FOXN4: variants seen among roughly 807,000 people sequenced by gnomAD.
FOXN4 encodes forkhead box protein N4.
FOXN4 carries 12 observed loss-of-function variants against 45.0 expected under a neutral mutation model. The ratio of observed to expected loss-of-function variants is 0.27; its 90% CI spans 0.17 to 0.43. The LOEUF is 0.43. Ranked by LOEUF, FOXN4 falls within the 20% of genes least tolerant of loss-of-function variation. FOXN4 has a pLI of 1.00. For missense variants in FOXN4, 560 were observed against 694.9 expected (o/e 0.81, Z 2.18); for synonymous variants, 297 against 295.0 (o/e 1.01, Z -0.07).
chr12:109,307,775 G>C (rs2047934827), intron 2 of FOXN4, among the ~76,000 whole-genome samples: 1 of 152,186 alleles, frequency 6.6e-6, no homozygotes, highest in South Asian at 2.1e-4. Flanking sequence ...CCAGGGCAAA[G>C]GACTTGCTGA....
intron 6 of FOXN4, 39 bp from the exon 7 acceptor site, chr12:109,286,783 A>C (rs767331990): frequency 5.1e-5 from 80 of 1,574,564 alleles, no homozygotes; most frequent in Admixed American, 3.9e-4. Flanking sequence ...GCAGGGCAGG[A>C]CAGGGCAGGC....
rs2136922216 is a variant in FOXN4 at position 109,287,300 on chromosome 12, G to A, written c.596+97C>T. On this transcript the variant is annotated intron_variant, in intron 6 of 9. Coordinates refer to ENST00000299162, the MANE Select transcript of FOXN4 (RefSeq NM_213596.3). This position sits in a 1 kb window ranked among gnomAD's most constrained non-coding sequence, Gnocchi z 4.1. The stretch of plus-strand genomic sequence containing the variant: ...CCAAAACCTCCCCCTTGGAAGTCTG[G>A]GCTGCCACACTAGCTGTCTGAGATG... 20 of 1,476,544 alleles carry A rather than the reference G, an allele frequency of 1.4e-5. No homozygotes were observed. The South Asian group carries it at 2.5e-4, about 19-fold the overall frequency. The allele number at this position is 1,476,544 out of a possible 1,614,324, so 91.5% of individuals were successfully genotyped here.
chr12:109,304,024 C>T (rs544086938), intron 2 of FOXN4, among the ~76,000 whole-genome samples: 1 of 151,704 alleles, frequency 6.6e-6, no homozygotes, highest in African/African-American at 2.4e-5. Flanking sequence ...AACCCCATCT[C>T]TACTAAAAAT....
intron 8 of FOXN4, among the ~76,000 whole-genome samples, chr12:109,282,986 G>A (rs952764207): frequency 2.6e-5 from 4 of 152,018 alleles, no homozygotes; most frequent in Admixed American, 1.3e-4. Context: ...AGGGACCATT[G>A]GCTCCTGCTA....
At chr12:109,295,953 T>C (rs925543146) in intron 2 of FOXN4, among the ~76,000 whole-genome samples, 4 of 152,188 alleles carry the variant, frequency 2.6e-5, no homozygotes, top group African/African-American at 7.2e-5. Context: ...CTTCCTAACC[T>C]TCCTGAGCCT....
rs1178137947 is a variant in FOXN4 at position 109,287,728 on chromosome 12, GGAGGGA to G, written c.468+110_468+115del. ...ATGAATGACCCCATGACATGAGCAT[GGAGGGA>G]ATGTTATCCCCATGTGCTGGGTGAG... is the stretch of plus-strand genomic sequence containing the variant. On this transcript the variant is annotated intron_variant, in intron 5 of 9. Coordinates refer to ENST00000299162, the MANE Select transcript of FOXN4 (RefSeq NM_213596.3). This position sits in a 1 kb window ranked among gnomAD's most constrained non-coding sequence, Gnocchi z 4.1. 2,282 of 1,142,750 alleles carry G rather than the reference GGAGGGA, an allele frequency of 2.0e-3. 4 individuals carry two copies. Among genetic ancestry groups the G allele is most frequent in the Non-Finnish European group, 2.5e-3 (2,076 of 826,444 alleles). 70.8% of individuals were successfully genotyped at this position (1,142,750 alleles called of 1,614,324 possible). A position where few individuals can be genotyped will look rare whatever the true frequency, so the allele number is the denominator to read the frequency against.
Position 109,279,782 on chromosome 12 carries a change from C to G in FOXN4, c.1443G>C (p.Val481=), listed in dbSNP as rs749530197. The change falls in exon 10 of 10, where the codon GTG becomes GTC. Residue 481 remains valine (V), a synonymous_variant. Transcript: ENST00000299162. ...GSDQSFPDLQ[V]TGLYTAYSTP... is the part of the protein sequence containing the mutation. Reference sequence around the variant, plus strand: ...TGGAGTACGCTGTGTAGAGACCCGTCACCTGCAAGTCTGGGAAGGACTGGT... The same window carrying G: ...TGGAGTACGCTGTGTAGAGACCCGTGACCTGCAAGTCTGGGAAGGACTGGT... 6.2e-7 allele frequency: 1 copy of G among 1,605,646 alleles called. No homozygotes were observed. Among genetic ancestry groups the G allele is most frequent in the East Asian group, 2.2e-5 (1 of 44,634 alleles).
intron 2 of FOXN4, among the ~76,000 whole-genome samples, chr12:109,299,438 C>T (rs1190058068): frequency 6.6e-6 from 1 of 152,152 alleles, no homozygotes; most frequent in Non-Finnish European, 1.5e-5. Flanking sequence ...ATGCACACGC[C>T]CACAGACCCT....
chr12:109,281,284 G>T, intron 9 of FOXN4, 123 bp downstream of exon 9: 1 of 1,340,358 alleles, frequency 7.5e-7, no homozygotes. Flanking sequence ...TGTAAAGGTT[G>T]TTGCTATGGG....
intron 2 of FOXN4, among the ~76,000 whole-genome samples, chr12:109,298,313 C>T (rs373282091): frequency 1.3e-5 from 2 of 149,590 alleles, no homozygotes; most frequent in South Asian, 2.1e-4. Context: ...GCAACCTGTA[C>T]GGTTCCTTTT....
Position 109,291,336 on chromosome 12 carries a change from G to T in FOXN4, c.87-1050C>A, listed in dbSNP as rs59966711. Among the ~76,000 whole-genome samples the T allele has an allele frequency of 0.27, 40,433 of 151,748 alleles. 6,669 individuals are homozygous for T. The highest frequency in any genetic ancestry group is 0.55 in the East Asian group (2,832 of 5,106). ...CAGACCAGCCCAGGAGCACACGCCC[G>T]ACTCCACCACATCTGCCACCCCTGT... On this transcript the variant is annotated intron_variant, in intron 2 of 9. Coordinates refer to ENST00000299162, the MANE Select transcript of FOXN4 (RefSeq NM_213596.3). This position sits in a 1 kb window ranked among gnomAD's most constrained non-coding sequence, Gnocchi z 6.6.
chr12:109,286,780 A>AGGTG, intron 6 of FOXN4, 36 bp from the exon 7 acceptor site: 1 of 1,580,376 alleles, frequency 6.3e-7, no homozygotes, highest in Non-Finnish European at 8.5e-7. Flanking sequence ...AGGGCAGGGC[A>AGGTG]GGACAGGGCA....
At chr12:109,286,174 G>A (rs147769050) in intron 7 of FOXN4, among the ~76,000 whole-genome samples, 1 of 152,252 alleles carries the variant, frequency 6.6e-6, no homozygotes, top group South Asian at 2.1e-4. Flanking sequence ...CTAACTTCCT[G>A]CTCCACTTTT....
intron 2 of FOXN4, among the ~76,000 whole-genome samples, chr12:109,301,485 T>G (rs558143011): frequency 5.3e-5 from 8 of 152,192 alleles, no homozygotes; most frequent in Admixed American, 3.3e-4. Flanking sequence ...TCCCCACCTC[T>G]CTCCTTCCAT....
In FOXN4 at chr12:109,286,741, A is replaced by G. The variant is rs781462080; in HGVS notation, c.600T>C (p.Cys200=). 9.4e-6 allele frequency: 15 copies of G among 1,604,004 alleles called. No homozygotes were observed. In the Admixed American group the frequency reaches 2.5e-4, roughly 27 times the overall value. The change falls in exon 7 of 10, where the codon TGT becomes TGC. Residue 200 remains cysteine, a synonymous_variant. Coordinates refer to ENST00000299162, the MANE Select transcript of FOXN4 (RefSeq NM_213596.3). ...TGTTCTTCAGGGCCATGGCGATCAG[A>G]CAGCTGGGGGCAGGAGGTGGGGCAG... ...HYPKPIYSYS[C]LIAMALKNSK... is the part of the protein sequence containing the mutation.
rs2047624145 is a variant in FOXN4, at chr12:109,278,400, AT to A, written c.*1270del. On this transcript the variant is annotated 3_prime_UTR_variant, in exon 10 of 10. Coordinates refer to ENST00000299162, the MANE Select transcript of FOXN4 (RefSeq NM_213596.3). ...GCTTTGCTGGGAGAGCATTTTTCAC[AT>A]TTGACTAGCTCACTCCCCTGTCTCT... 1.3e-5 allele frequency: 2 copies of A among 152,184 alleles called. No individual in the cohort carries two copies. The highest frequency in any genetic ancestry group is 6.5e-5 in the Admixed American group (1 of 15,278). The allele number at this position is 152,184 out of a possible 1,614,324, so 9.4% of individuals were successfully genotyped here.
intron 2 of FOXN4, among the ~76,000 whole-genome samples, chr12:109,293,269 G>C (rs1044006703): frequency 1.3e-5 from 2 of 152,132 alleles, no homozygotes; most frequent in Admixed American, 1.3e-4. Context: ...TTGGGGTCCT[G>C]ACTCCCTGTG....
At chr12:109,308,408 G>T in intron 1 of FOXN4, 84 bp from the exon 2 acceptor site, 1 of 876,336 alleles carries the variant, frequency 1.1e-6, no homozygotes, top group African/African-American at 1.7e-5. Flanking sequence ...CCGCAATTCA[G>T]AAAGATGGAG....
Position 109,281,685 on chromosome 12 carries a change from C to G in FOXN4, c.1016G>C (p.Gly339Ala), listed in dbSNP as rs769676620. 2.5e-6 allele frequency: 4 copies of G among 1,610,234 alleles called. No individual in the cohort carries two copies. Among genetic ancestry groups the G allele is most frequent in the Admixed American group, 1.7e-5 (1 of 59,560 alleles). Residue 339 changes from glycine (G) to alanine (A), a missense_variant, in exon 9 of 10, where the codon GGC becomes GCC. This residue lies in a region of FOXN4 where 315 missense variants were observed against 350.5 expected (regional missense o/e 0.90). Coordinates refer to ENST00000299162, the MANE Select transcript of FOXN4 (RefSeq NM_213596.3). ...TGGGAGCTGGGAGACAGCCAGGCAG[C>G]CATGCGCCACGGCCACTGTGGTGGC... is the stretch of plus-strand genomic sequence containing the variant. Reference protein sequence around the residue: ...THATTVAVAHGCLAVSQLPPQ... With the variant: ...THATTVAVAHACLAVSQLPPQ...
Sources: allele counts gnomAD v4.1 joint callset (sites outside exome capture counted in the v4.1 genomes callset), GRCh38; gene constraint gnomAD v4.1.1; regional missense constraint gnomAD v4.1.1; non-coding constraint Gnocchi (gnomAD v3.1); transcripts MANE v1.5; gene names NCBI Gene and HGNC (gene_info 2026-07-23, HGNC 2026-07-21).